L3MBTL3: variants seen among roughly 807,000 people sequenced by gnomAD.
L3MBTL3 encodes lethal(3)malignant brain tumor-like protein 3.
A neutral mutation model predicts 102.3 loss-of-function variants in L3MBTL3; 27 were observed. The observed-to-expected ratio is 0.26, with a 90% CI of 0.19 to 0.36. The LOEUF (loss-of-function observed/expected upper bound fraction) is 0.36. L3MBTL3 is among the 10% of genes least tolerant of loss of function. L3MBTL3 has a pLI of 1.00. For missense variants in L3MBTL3, 798 were observed against 955.3 expected, an observed-to-expected ratio of 0.84 and a Z score of 2.17; for synonymous variants, 340 against 320.9, an observed-to-expected ratio of 1.06 and a Z score of -0.64.
chr6:130,074,455 A>T (rs560752459), intron 13 of L3MBTL3, among the ~76,000 whole-genome samples: 1 of 152,302 alleles, frequency 6.6e-6, no homozygotes, highest in Non-Finnish European at 1.5e-5. Context: ...GAATAATCCT[A>T]GATGTAATAG....
intron 14 of L3MBTL3, among the ~76,000 whole-genome samples, chr6:130,082,114 G>C (rs960899748): frequency 1.3e-5 from 2 of 152,082 alleles, no homozygotes; most frequent in Non-Finnish European, 2.9e-5. Flanking sequence ...TCTCTTTACT[G>C]GTTCGCTTTT....
chr6:130,049,889 C>G (rs1200510471), intron 5 of L3MBTL3, 59 bp downstream of exon 5: 3 of 1,551,350 alleles, frequency 1.9e-6, no homozygotes, highest in Admixed American at 1.9e-5. Context: ...TCTCCCCTCC[C>G]CACAAACCTG....
intron 8 of L3MBTL3, among the ~76,000 whole-genome samples, chr6:130,056,446 C>G (rs979602167): frequency 6.6e-6 from 1 of 152,166 alleles, no homozygotes; most frequent in Admixed American, 6.5e-5. Context: ...TCATACTGTC[C>G]CGACAAACCA....
chr6:130,049,381 A>C lies in L3MBTL3; in HGVS notation c.202A>C (p.Thr68Pro), dbSNP rs1780941284. The C allele has an allele frequency of 1.3e-6, 2 of 1,589,754 alleles. No individual in the cohort carries two copies. The highest frequency in any genetic ancestry group is 1.7e-6 in the Non-Finnish European group (2 of 1,159,256). Residue 68 changes from threonine (T) to proline (P), a missense_variant, in exon 4 of 23, where the codon ACT becomes CCT. By Grantham distance (38) the Thr-to-Pro change is conservative (BLOSUM62 -1). Transcript: ENST00000361794. ...TGCTACCACCACTTGGATGGTACCA[A>C]CTGCTCAAGAAGGTAAGGATGGGTC... is the stretch of plus-strand genomic sequence containing the variant. ...ATATTTWMVP[T>P]AQEAPTSPPS...
chr6:130,140,909 T>A lies in L3MBTL3; in HGVS notation c.*1156T>A, dbSNP rs1788212249. On this transcript the variant is annotated 3_prime_UTR_variant, in exon 23 of 23. Coordinates refer to ENST00000361794, the MANE Select transcript of L3MBTL3 (RefSeq NM_032438.4). ...TTCCCAAAGTAATTGCCCAAGAACCTCCGTTTTGGAAGGATTCCTTTTTCT... is the reference window on the plus strand; with the variant it reads ...TTCCCAAAGTAATTGCCCAAGAACCACCGTTTTGGAAGGATTCCTTTTTCT... 6.6e-6 allele frequency: 1 copy of A among 152,582 alleles called. No individual in the cohort carries two copies. The highest frequency in any genetic ancestry group is 2.4e-5 in the African/African-American group (1 of 41,440). The allele number at this position is 152,582 out of a possible 1,614,324, so 9.5% of individuals were successfully genotyped here.
intron 4 of L3MBTL3, 115 bp downstream of exon 4, chr6:130,049,508 A>G (rs1431194455): frequency 1.1e-5 from 8 of 751,348 alleles, no homozygotes; most frequent in Middle Eastern, 2.4e-4. Context: ...TTTGTGCCTC[A>G]TGTTGTTAGG....
intron 3 of L3MBTL3, among the ~76,000 whole-genome samples, chr6:130,047,400 A>G (rs1222876010): frequency 6.6e-6 from 1 of 152,132 alleles, no homozygotes; most frequent in Non-Finnish European, 1.5e-5. Context: ...AAGTATTTGA[A>G]CCTGAAGCTT....
chr6:130,034,983 A>G (rs773779840), intron 2 of L3MBTL3, among the ~76,000 whole-genome samples: 1 of 152,204 alleles, frequency 6.6e-6, no homozygotes, highest in Non-Finnish European at 1.5e-5. Context: ...GTTAACGAGT[A>G]CTAGTTAAGT....
intron 19 of L3MBTL3, among the ~76,000 whole-genome samples, chr6:130,109,283 G>T (rs1403418615): frequency 6.6e-6 from 1 of 152,168 alleles, no homozygotes; most frequent in Non-Finnish European, 1.5e-5. Context: ...AATTGCCACA[G>T]TGTCTTCTAT....
intron 1 of L3MBTL3, chr6:130,020,659 G>A (rs1778942967): frequency 6.6e-6 from 1 of 152,076 alleles, no homozygotes; most frequent in Admixed American, 6.5e-5. Context: ...CCCTTCCACG[G>A]GAGACGGAGG....
chr6:130,024,372 A>G (rs928237338), intron 2 of L3MBTL3, among the ~76,000 whole-genome samples: 5 of 152,160 alleles, frequency 3.3e-5, no homozygotes, highest in African/African-American at 1.2e-4. Flanking sequence ...ACCTGACAAA[A>G]TAAACCCTGA....
chr6:130,120,294 T>C (rs905667589), intron 19 of L3MBTL3, among the ~76,000 whole-genome samples: 5 of 152,204 alleles, frequency 3.3e-5, no homozygotes, highest in Admixed American at 2.6e-4. Context: ...GAATTAAGAC[T>C]GTAATGGATC....
Position 130,133,513 on chromosome 6 carries a change from T to C in L3MBTL3, c.2028T>C (p.Phe676=). 1.2e-6 allele frequency: 2 copies of C among 1,614,162 alleles called. No homozygotes were observed. Among genetic ancestry groups the C allele is most frequent in the East Asian group, 4.5e-5 (2 of 44,874 alleles). The change falls in exon 21 of 23, where the codon TTT becomes TTC. Residue 676 remains phenylalanine (F), a synonymous_variant. Transcript: ENST00000361794. This position sits in a 1 kb window ranked among gnomAD's most constrained non-coding sequence, Gnocchi z 4.9. ...AQRRSAVFLS[F]KSPIPCLPLR... ...GTCGGTCAGCTGTCTTTCTGTCCTT[T>C]AAGTCCCCAATTCCATGTCTGCCCT...
chr6:130,064,944 T>C (rs1298121398), intron 10 of L3MBTL3, among the ~76,000 whole-genome samples: 1 of 152,204 alleles, frequency 6.6e-6, no homozygotes, highest in Non-Finnish European at 1.5e-5. Context: ...CGGCCAGATA[T>C]AGCTGACTGT....
chr6:130,104,438 T>C lies in L3MBTL3; in HGVS notation c.1749T>C (p.Cys583=). The change falls in exon 19 of 23, where the codon TGT becomes TGC. Residue 583 remains cysteine (C), a synonymous_variant. Transcript: ENST00000361794. ...RHLGPHSAAN[C]PYSEINLNKD... is the part of the protein sequence containing the mutation. ...TTTAATCTGTTAGTGCTGCCAACTG[T>C]CCCTATTCAGAAATCAATTTGAATA... 1.9e-6 allele frequency: 3 copies of C among 1,565,438 alleles called. No homozygotes were observed. The highest frequency in any genetic ancestry group is 2.6e-6 in the Non-Finnish European group (3 of 1,158,898).
intron 20 of L3MBTL3, among the ~76,000 whole-genome samples, chr6:130,128,558 G>A (rs901778716): frequency 6.6e-5 from 10 of 152,146 alleles, no homozygotes. Flanking sequence ...TTCTGCTTAT[G>A]TCCGTTAGTC....
intron 19 of L3MBTL3, among the ~76,000 whole-genome samples, chr6:130,119,750 A>G (rs973151878): frequency 3.3e-5 from 5 of 152,212 alleles, no homozygotes; most frequent in African/African-American, 1.2e-4. Flanking sequence ...CCTGGAAATG[A>G]TCTTTCTTAA....
rs764129832 is a variant in L3MBTL3, at chr6:130,086,161, A to G, written c.1429A>G (p.Lys477Glu). The change falls in exon 16 of 23, where the codon AAA (lysine) becomes GAA (glutamate). Residue 477 changes from lysine (K) to glutamate (E), a missense_variant. Lys to Glu is a moderately conservative substitution (Grantham distance 56). This residue lies in a region of L3MBTL3 where 306 missense variants were observed against 314.4 expected (regional missense o/e 0.97). Coordinates refer to ENST00000361794, the MANE Select transcript of L3MBTL3 (RefSeq NM_032438.4). Reference sequence around the variant, plus strand: ...GCAGAAACCTCCTCATGGATTCCAGAAAAAAATGAAGCTTGAGGTTGTAGA... The same window carrying G: ...GCAGAAACCTCCTCATGGATTCCAGGAAAAAATGAAGCTTGAGGTTGTAGA... Reference protein sequence around the residue: ...FKVKPPHGFQKKMKLEVVDKR... With the variant: ...FKVKPPHGFQEKMKLEVVDKR... The G allele has an allele frequency of 5.0e-6, 8 of 1,611,978 alleles. No individual in the cohort carries two copies. In the South Asian group the frequency reaches 7.7e-5, roughly 16 times the overall value.
intron 16 of L3MBTL3, among the ~76,000 whole-genome samples, chr6:130,091,815 A>G (rs1436827255): frequency 6.6e-6 from 1 of 152,062 alleles, no homozygotes; most frequent in Non-Finnish European, 1.5e-5. Flanking sequence ...AATTGAACTC[A>G]TGAGGACAAG....
Sources: gnomAD v4.1 joint callset for allele counts (sites outside exome capture counted in the v4.1 genomes callset) on GRCh38, gnomAD v4.1.1 for gene constraint, gnomAD v4.1.1 regional missense constraint, Gnocchi (gnomAD v3.1) non-coding constraint, MANE v1.5 for transcripts, NCBI Gene and HGNC (gene_info 2026-07-23, HGNC 2026-07-21) for gene names.